Variants in SLC9A9 observed in about 807,000 individuals in gnomAD.
SLC9A9 encodes the protein solute carrier family 9 member A9, also known as sodium/hydrogen exchanger 9.
Under a neutral mutation model 77.8 loss-of-function variants are expected in SLC9A9, and 62 were observed. The ratio of observed to expected loss-of-function variants is 0.80; its 90% CI spans 0.65 to 0.98. The LOEUF (loss-of-function observed/expected upper bound fraction) is 0.98. SLC9A9 is among the 50% of genes least tolerant of loss of function. The pLI is 0.00. For missense variants in SLC9A9, 775 were observed against 774.9 expected (o/e 1.00, Z 0.00); for synonymous variants, 320 against 283.5 (o/e 1.13, Z -1.29).
At chr3:143,545,169 G>A (rs1484602098) in intron 9 of SLC9A9, among the ~76,000 whole-genome samples, 1 of 151,882 alleles carries the variant, frequency 6.6e-6, no homozygotes, top group Non-Finnish European at 1.5e-5. Flanking sequence ...TTATATTTTT[G>A]CATACTCTAT....
chr3:143,475,090 C>G (rs2035450506), intron 11 of SLC9A9, among the ~76,000 whole-genome samples: 1 of 151,590 alleles, frequency 6.6e-6, no homozygotes, highest in African/African-American at 2.4e-5. Context: ...TCCTGAGTAG[C>G]TGGGACTACA....
chr3:143,727,315 A>T (rs1934679964), intron 4 of SLC9A9, among the ~76,000 whole-genome samples: 1 of 151,588 alleles, frequency 6.6e-6, no homozygotes, highest in Admixed American at 6.6e-5. Context: ...TTTTGGCAGG[A>T]TAAAGGCAGG....
In SLC9A9 at chr3:143,266,542, T is replaced by C. The variant is rs1470110236; in HGVS notation, c.*160A>G. 1.4e-6 allele frequency: 1 copy of C among 731,158 alleles called. No individual in the cohort carries two copies. Among genetic ancestry groups the C allele is most frequent in the Non-Finnish European group, 2.3e-6 (1 of 429,164 alleles). 45.3% of individuals were successfully genotyped at this position (731,158 alleles called of 1,614,324 possible). A position where few individuals can be genotyped will look rare whatever the true frequency, so the allele number is the denominator to read the frequency against. ...GAGAGGGATAATAAAATCTCATTTC[T>C]TCAGGCACCAGAGGATCCATGTGAC... On this transcript the variant is annotated 3_prime_UTR_variant, in exon 16 of 16. Transcript: ENST00000316549.
intron 6 of SLC9A9, among the ~76,000 whole-genome samples, chr3:143,616,592 C>T (rs541854426): frequency 1.2e-4 from 18 of 152,090 alleles, no homozygotes; most frequent in African/African-American, 3.4e-4. Flanking sequence ...ATAGAAGGGA[C>T]GCTTAGGGAT....
In SLC9A9 at chr3:143,731,512, C is replaced by A. The variant is rs1260909397; in HGVS notation, c.534-38205G>T. On this transcript the variant is annotated intron_variant, in intron 4 of 15. Coordinates refer to ENST00000316549, the MANE Select transcript of SLC9A9 (RefSeq NM_173653.4). ...GCTGCTCTCACCATCTTCTCACCAG[C>A]AGGCTCAGCCTTCTTATGTGTCCTC... Among the ~76,000 whole-genome samples the A allele has an allele frequency of 2.0e-5, 3 of 152,230 alleles. No homozygotes were observed. The South Asian group carries it at 6.2e-4, about 32-fold the overall frequency.
At chr3:143,815,881 AAAC>A in intron 2 of SLC9A9, among the ~76,000 whole-genome samples, 1 of 152,248 alleles carries the variant, frequency 6.6e-6, no homozygotes, top group East Asian at 1.9e-4. Flanking sequence ...ACAAACAAAC[AAAC>A]AAACAAAAAC....
At chr3:143,390,328 G>A (rs1304399539) in intron 12 of SLC9A9, among the ~76,000 whole-genome samples, 2 of 152,202 alleles carry the variant, frequency 1.3e-5, no homozygotes, top group East Asian at 3.8e-4. Flanking sequence ...TTAGGAGTTA[G>A]ACATTCTGAA....
intron 5 of SLC9A9, among the ~76,000 whole-genome samples, chr3:143,690,064 A>G (rs1933410921): frequency 6.6e-6 from 1 of 152,034 alleles, no homozygotes; most frequent in Non-Finnish European, 1.5e-5. Context: ...AGTGATTTTA[A>G]AAAGGGAATA....
chr3:143,463,151 TTTC>T (rs2035226527), intron 12 of SLC9A9, among the ~76,000 whole-genome samples: 1 of 152,220 alleles, frequency 6.6e-6, no homozygotes, highest in South Asian at 2.1e-4. Context: ...TGAGGGCACT[TTTC>T]TAATGTCAGC....
intron 4 of SLC9A9, among the ~76,000 whole-genome samples, chr3:143,725,638 A>C (rs1342390818): frequency 3.6e-5 from 5 of 139,232 alleles, no homozygotes; most frequent in African/African-American, 1.0e-4. Context: ...TCGTAAGGAC[A>C]AAAAACCAAA....
intron 12 of SLC9A9, among the ~76,000 whole-genome samples, chr3:143,446,016 C>T (rs982261294): frequency 8.6e-5 from 13 of 151,978 alleles, no homozygotes; most frequent in Admixed American, 7.9e-4. Flanking sequence ...TGAATTATAG[C>T]TCTTTTGAAG....
chr3:143,283,840 AT>A (rs996108469), intron 14 of SLC9A9, among the ~76,000 whole-genome samples: 2 of 152,202 alleles, frequency 1.3e-5, no homozygotes, highest in African/African-American at 4.8e-5. Flanking sequence ...GTAAACTGGC[AT>A]GGCTGAGAAA....
chr3:143,501,126 T>C (rs2035916791), intron 9 of SLC9A9, among the ~76,000 whole-genome samples: 1 of 150,686 alleles, frequency 6.6e-6, no homozygotes, highest in Non-Finnish European at 1.5e-5. Flanking sequence ...GGAAATTTTA[T>C]AAGAATTGTT....
chr3:143,658,505 AATT>A (rs1185813209), intron 5 of SLC9A9, among the ~76,000 whole-genome samples: 4 of 152,172 alleles, frequency 2.6e-5, no homozygotes, highest in Admixed American at 6.5e-5. Flanking sequence ...AAATGAGGAA[AATT>A]ATTCTTTTTA....
intron 5 of SLC9A9, among the ~76,000 whole-genome samples, chr3:143,655,313 G>C (rs2038869892): frequency 6.6e-6 from 1 of 152,162 alleles, no homozygotes; most frequent in Admixed American, 6.5e-5. Context: ...TTGCAAGGCT[G>C]GTAAAGATAA....
intron 5 of SLC9A9, among the ~76,000 whole-genome samples, chr3:143,665,715 T>A (rs1313182545): frequency 2.0e-5 from 3 of 152,114 alleles, no homozygotes. Context: ...TCTGTGCAAA[T>A]AAACTAGAAA....
At chr3:143,779,045 TTCTGGA>T (rs2007786135) in intron 4 of SLC9A9, among the ~76,000 whole-genome samples, 1 of 152,212 alleles carries the variant, frequency 6.6e-6, no homozygotes, top group Non-Finnish European at 1.5e-5. Context: ...TTATAATAAT[TTCTGGA>T]TCTTGCTCCG....
chr3:143,670,154 T>C (rs1374735962), intron 5 of SLC9A9, among the ~76,000 whole-genome samples: 3 of 152,236 alleles, frequency 2.0e-5, no homozygotes, highest in Admixed American at 1.3e-4. Context: ...ACTTTGTCTT[T>C]CTGAGTCTTA....
At chr3:143,734,293 T>C (rs1020306708) in intron 4 of SLC9A9, among the ~76,000 whole-genome samples, 4 of 151,984 alleles carry the variant, frequency 2.6e-5, no homozygotes, top group African/African-American at 9.7e-5. Flanking sequence ...GTGATTTGAG[T>C]TGAAAAATAA....
Sources: allele counts gnomAD v4.1 joint callset (sites outside exome capture counted in the v4.1 genomes callset), GRCh38; gene constraint gnomAD v4.1.1; transcripts MANE v1.5; gene names NCBI Gene and HGNC (gene_info 2026-07-23, HGNC 2026-07-21).